Variants in TENM2 observed in about 807,000 individuals in gnomAD.
TENM2 encodes the protein teneurin-2.
TENM2 carries 52 observed loss-of-function variants against 245.2 expected under a neutral mutation model. The ratio of observed to expected loss-of-function variants is 0.21; its 90% CI spans 0.17 to 0.27. The LOEUF (loss-of-function observed/expected upper bound fraction) is 0.27, where lower values mean the gene tolerates loss of function less well. Among genes scored for constraint, TENM2 ranks in the 10% least tolerant of loss-of-function variants. The pLI, the probability that TENM2 is intolerant of heterozygous loss-of-function variation, is 1.00. For missense variants in TENM2, 3,046 were observed against 3,666.8 expected (o/e 0.83, Z 4.37); for synonymous variants, 1,363 against 1,438.9 (o/e 0.95, Z 1.19).
chr5:167,766,963 G>T (rs142130182), intron 2 of TENM2, among the ~76,000 whole-genome samples: 1 of 152,244 alleles, frequency 6.6e-6, no homozygotes, highest in Admixed American at 6.5e-5. Flanking sequence ...AATATAAAAT[G>T]ATATCATTGC....
At position 168,044,449 on chromosome 5, in the gene TENM2, G is replaced by A. The variant is rs190079783; in HGVS notation, c.1187-2978G>A. ...TGATGATTAAAATATCCTTCCCTTT[G>A]CAAACTAGTCCATATTGCTACCAGC... On this transcript the variant is annotated intron_variant, in intron 5 of 28. Coordinates refer to ENST00000518659, the Ensembl canonical transcript of TENM2. 1.9e-3 allele frequency among the ~76,000 whole-genome samples: 289 copies of A among 152,170 alleles called. 1 individual carries two copies. Among genetic ancestry groups the A allele is most frequent in the Middle Eastern group, 0.014 (4 of 294 alleles).
the TENM2 span, among the ~76,000 whole-genome samples, chr5:167,026,345 G>A: frequency 6.6e-6 from 1 of 152,168 alleles, no homozygotes; most frequent in Non-Finnish European, 1.5e-5. Flanking sequence ...CAAGGCCTGC[G>A]TTTCCACATA....
At chr5:168,180,067 G>A (rs1759730480) in intron 13 of TENM2, among the ~76,000 whole-genome samples, 1 of 152,112 alleles carries the variant, frequency 6.6e-6, no homozygotes, top group Non-Finnish European at 1.5e-5. Flanking sequence ...GTTTGTGTTG[G>A]GCCTGATCAC....
chr5:167,352,948 G>C (rs1759019798), intron 1 of TENM2, among the ~76,000 whole-genome samples: 1 of 152,318 alleles, frequency 6.6e-6, no homozygotes, highest in South Asian at 2.1e-4. Flanking sequence ...TCCCTGGACA[G>C]GATCTATGAC....
chr5:167,546,547 T>A (rs1772572109), intron 2 of TENM2, among the ~76,000 whole-genome samples: 1 of 152,130 alleles, frequency 6.6e-6, no homozygotes, highest in Non-Finnish European at 1.5e-5. Context: ...AACTGAACAT[T>A]AAAGTGACAG....
In TENM2 at chr5:167,601,942, A is replaced by C. The variant is rs151246914; in HGVS notation, c.502+226469A>C. On this transcript the variant is annotated intron_variant, in intron 2 of 28. Transcript: ENST00000518659. The stretch of plus-strand genomic sequence containing the variant: ...AGAGGAAAGGAACTGGGGATGGTGA[A>C]GGATGGCAGGAGGAAGAGGGAAGGG... 5.6e-3 allele frequency among the ~76,000 whole-genome samples: 852 copies of C among 152,054 alleles called. 5 individuals carry two copies. Among genetic ancestry groups the C allele is most frequent in the African/African-American group, 0.019 (807 of 41,462 alleles).
chr5:168,213,793 C>T (rs1762970147), intron 20 of TENM2, among the ~76,000 whole-genome samples: 1 of 152,158 alleles, frequency 6.6e-6, no homozygotes, highest in Non-Finnish European at 1.5e-5. Context: ...AGAATTGTGC[C>T]ACTGCTCTCC....
chr5:167,784,186 TTAA>T (rs1408745189), intron 2 of TENM2, among the ~76,000 whole-genome samples: 1 of 152,220 alleles, frequency 6.6e-6, no homozygotes, highest in Non-Finnish European at 1.5e-5. Context: ...GACTTTGTCA[TTAA>T]TGAGTTTTTA....
chr5:167,259,962 A>C, the TENM2 span, among the ~76,000 whole-genome samples: 1 of 152,194 alleles, frequency 6.6e-6, no homozygotes, highest in Non-Finnish European at 1.5e-5. Context: ...TATGTCTTGA[A>C]TCAGTTAAAA....
chr5:167,707,775 A>G (rs532143525), intron 2 of TENM2, among the ~76,000 whole-genome samples: 3 of 152,342 alleles, frequency 2.0e-5, no homozygotes, highest in African/African-American at 4.8e-5. Flanking sequence ...GAAGACACAT[A>G]GAAACATCTG....
At chr5:167,359,177 T>C (rs773045953) in intron 1 of TENM2, among the ~76,000 whole-genome samples, 5 of 152,138 alleles carry the variant, frequency 3.3e-5, no homozygotes, top group Non-Finnish European at 5.9e-5. Context: ...CCCAAAACAA[T>C]GCAATGGCTA....
chr5:167,288,569 A>AG (rs773054390), intron 1 of TENM2, among the ~76,000 whole-genome samples: 28 of 151,980 alleles, frequency 1.8e-4, no homozygotes, highest in Non-Finnish European at 3.1e-4. Flanking sequence ...AAAAAAAAAA[A>AG]AAAAAGAAAA....
intron 2 of TENM2, among the ~76,000 whole-genome samples, chr5:167,536,816 G>A (rs1397227057): frequency 6.6e-6 from 1 of 152,124 alleles, no homozygotes; most frequent in Non-Finnish European, 1.5e-5. Flanking sequence ...TCAGGAGTTT[G>A]AGACCAGCCT....
intron 7 of TENM2, among the ~76,000 whole-genome samples, chr5:168,076,203 A>C (rs1162865490): frequency 2.2e-5 from 2 of 90,868 alleles, no homozygotes; most frequent in African/African-American, 3.8e-5. Context: ...ATTTTATTTT[A>C]TTTTATTTTA....
intron 2 of TENM2, among the ~76,000 whole-genome samples, chr5:167,870,588 T>C (rs866101685): frequency 3.1e-4 from 46 of 147,394 alleles, no homozygotes; most frequent in Admixed American, 1.3e-3. Context: ...TATATATATA[T>C]GTATATATAT....
At chr5:168,032,095 C>G (rs1246353769) in intron 5 of TENM2, among the ~76,000 whole-genome samples, 1 of 152,178 alleles carries the variant, frequency 6.6e-6, no homozygotes, top group East Asian at 1.9e-4. Flanking sequence ...TCCCCAAGTT[C>G]AAAGCCCAGC....
At chr5:167,514,102 G>T (rs563971374) in intron 2 of TENM2, among the ~76,000 whole-genome samples, 1 of 152,294 alleles carries the variant, frequency 6.6e-6, no homozygotes, top group East Asian at 1.9e-4. Context: ...CAACTCAGTG[G>T]CCCCATGACT....
chr5:167,756,186 C>T (rs1290504107), intron 2 of TENM2, among the ~76,000 whole-genome samples: 1 of 152,186 alleles, frequency 6.6e-6, no homozygotes, highest in Admixed American at 6.5e-5. Context: ...ATAGACACAA[C>T]CAAACAAACC....
intron 2 of TENM2, among the ~76,000 whole-genome samples, chr5:167,427,046 T>G (rs778083198): frequency 5.9e-4 from 90 of 151,956 alleles, no homozygotes; most frequent in Admixed American, 2.0e-4. Flanking sequence ...GATGCCTTCG[T>G]GTGTTCAGTT....
Sources: gnomAD v4.1 joint callset for allele counts (sites outside exome capture counted in the v4.1 genomes callset) on GRCh38, gnomAD v4.1.1 for gene constraint, MANE v1.5 for transcripts, NCBI Gene and HGNC (gene_info 2026-07-23, HGNC 2026-07-21) for gene names.